The following OSMR variants were observed in gnomAD, a reference collection of about 807,000 sequenced individuals.
OSMR encodes oncostatin-M-specific receptor subunit beta.
A neutral mutation model predicts 99.9 loss-of-function variants in OSMR; 81 were observed. The observed-to-expected ratio is 0.81, with a 90% CI of 0.68 to 0.97. The LOEUF (loss-of-function observed/expected upper bound fraction) is 0.97, where lower values mean the gene tolerates loss of function less well. Ranked by LOEUF, OSMR falls within the 50% of genes least tolerant of loss-of-function variation. The pLI is 0.00. For missense variants in OSMR, 1,099 were observed against 1,153.4 expected (o/e 0.95, Z 0.68); for synonymous variants, 406 against 410.4 (o/e 0.99, Z 0.13).
intron 16 of OSMR, 85 bp downstream of exon 16, chr5:38,932,049 A>G (rs538909039): frequency 1.1e-4 from 107 of 1,000,014 alleles, no homozygotes; most frequent in Middle Eastern, 6.2e-4. Context: ...ATGACATTGA[A>G]TAATATGAAA....
At chr5:38,937,091 G>C (rs933795927), downstream of OSMR, among the ~76,000 whole-genome samples, 1 of 152,214 alleles carries the variant, frequency 6.6e-6, no homozygotes, top group African/African-American at 2.4e-5. This position sits in a 1 kb window ranked among gnomAD's most constrained non-coding sequence, Gnocchi z 4.0. Flanking sequence ...CTGGAGTGCA[G>C]TGGCACGATC....
At chr5:38,942,829 T>C in intron 1 of OSMR, 2 of 1,595,794 alleles carry the variant, frequency 1.3e-6, no homozygotes, top group Non-Finnish European at 1.7e-6. Flanking sequence ...CTAATCATAC[T>C]TACTTGTAGA....
intron 1 of OSMR, among the ~76,000 whole-genome samples, chr5:38,859,501 G>A (rs115001084): frequency 6.6e-6 from 1 of 152,126 alleles, no homozygotes; most frequent in South Asian, 2.1e-4. Flanking sequence ...GGTTACTGTA[G>A]TTTTGTAGTA....
chr5:38,865,873 A>G (rs1741897847), intron 1 of OSMR, among the ~76,000 whole-genome samples: 1 of 152,224 alleles, frequency 6.6e-6, no homozygotes. Context: ...GGCAGCACAC[A>G]TGAGTGCTGG....
intron 1 of OSMR, 191 bp from the exon 2 acceptor site, chr5:38,868,841 G>A (rs181451264): frequency 5.0e-6 from 1 of 200,102 alleles, no homozygotes. Context: ...ACCCAAAAAG[G>A]TCCCATGGGG....
chr5:38,914,438 A>G (rs554797452), intron 9 of OSMR, among the ~76,000 whole-genome samples: 6 of 152,230 alleles, frequency 3.9e-5, no homozygotes, highest in Non-Finnish European at 7.3e-5. Context: ...AATTAGTTCA[A>G]CCTTCGTAAA....
intron 1 of OSMR, chr5:38,943,083 G>T: frequency 1.5e-6 from 1 of 651,758 alleles, no homozygotes. Context: ...GGATTAGATG[G>T]CATACTTGGG....
At chr5:38,902,532 C>T (rs1744961851) in intron 7 of OSMR, among the ~76,000 whole-genome samples, 2 of 152,244 alleles carry the variant, frequency 1.3e-5, no homozygotes, top group Non-Finnish European at 2.9e-5. Flanking sequence ...TATCCAAGAA[C>T]TCCACAAAAG....
chr5:38,892,019 CTG>C (rs147173425), intron 7 of OSMR, among the ~76,000 whole-genome samples: 9,935 of 152,174 alleles, frequency 0.065, 419 homozygotes, highest in South Asian at 0.17. Flanking sequence ...CACCTGAACA[CTG>C]TGGGCAGTCA....
At chr5:38,857,980 C>T (rs1259039558) in intron 1 of OSMR, among the ~76,000 whole-genome samples, 1 of 152,066 alleles carries the variant, frequency 6.6e-6, no homozygotes, top group Non-Finnish European at 1.5e-5. Flanking sequence ...TTCCAGCTAT[C>T]TTTTAGAAAA....
intron 9 of OSMR, among the ~76,000 whole-genome samples, chr5:38,907,724 C>T (rs1182397839): frequency 6.6e-6 from 1 of 152,178 alleles, no homozygotes; most frequent in Non-Finnish European, 1.5e-5. Context: ...GCAGAACAGT[C>T]CCTACTGACA....
downstream of OSMR, chr5:38,945,572 C>A (rs1050685229): frequency 6.2e-7 from 1 of 1,614,044 alleles, no homozygotes; most frequent in South Asian, 1.1e-5. Context: ...AGGCAGTTAT[C>A]ATCTGTATGT....
intron 1 of OSMR, among the ~76,000 whole-genome samples, chr5:38,859,103 T>C (rs531714889): frequency 2.6e-5 from 4 of 152,354 alleles, no homozygotes; most frequent in African/African-American, 9.6e-5. Flanking sequence ...CTTTTTAGTT[T>C]GGTATAGTTC....
chr5:38,888,075 C>T (rs192369861), intron 7 of OSMR, among the ~76,000 whole-genome samples: 1 of 151,934 alleles, frequency 6.6e-6, no homozygotes, highest in Non-Finnish European at 1.5e-5. Context: ...GCGAGACAGA[C>T]GGAGGAGGGA....
At chr5:38,887,790 A>G (rs982119206) in intron 7 of OSMR, among the ~76,000 whole-genome samples, 1 of 152,158 alleles carries the variant, frequency 6.6e-6, no homozygotes, top group Non-Finnish European at 1.5e-5. Context: ...CAAAATCTCT[A>G]TGTTACTAAA....
rs989646482 is a variant in OSMR, at chr5:38,913,275, C to T, written c.1286-4271C>T. 4.4e-4 allele frequency among the ~76,000 whole-genome samples: 67 copies of T among 152,002 alleles called. 1 individual carries two copies. The highest frequency in any genetic ancestry group is 1.6e-3 in the African/African-American group (65 of 41,388). On this transcript the variant is annotated intron_variant, in intron 9 of 17. Transcript: ENST00000274276. ...TTAAAAAGTGGGCAAAAGGGCCAGG[C>T]GCGGTGGCTCATGCCTGTAATCCCA...
Position 38,904,522 on chromosome 5 carries a change from A to G in OSMR, c.1285+19A>G, listed in dbSNP as rs1343219690. On this transcript the variant is annotated intron_variant, in intron 9 of 17. Coordinates refer to ENST00000274276, the MANE Select transcript of OSMR (RefSeq NM_003999.3). The stretch of plus-strand genomic sequence containing the variant: ...GAAGCTGGTATGTTCAGCCCCTGGC[A>G]TTTAACCCAAAGAAGTAGGTCTTAG... 6.2e-7 allele frequency: 1 copy of G among 1,614,164 alleles called. No homozygotes were observed. The highest frequency in any genetic ancestry group is 1.1e-5 in the South Asian group (1 of 91,078).
intron 15 of OSMR, among the ~76,000 whole-genome samples, chr5:38,928,843 A>AATT (rs1310116316): frequency 3.3e-5 from 5 of 152,118 alleles, no homozygotes; most frequent in African/African-American, 1.2e-4. Context: ...TGTTGGAGTT[A>AATT]ATTTTAAATT....
rs756885064 is a variant in OSMR at position 38,925,253 on chromosome 5, A to G, written c.2094A>G (p.Ala698=). The G allele has an allele frequency of 2.5e-6, 4 of 1,614,034 alleles. No individual in the cohort carries two copies. The highest frequency in any genetic ancestry group is 3.4e-6 in the Non-Finnish European group (4 of 1,179,916). ...KYKIDNPEEK[A]LIVDNLKPES... ...AAATTGACAACCCGGAAGAAAAGGC[A>G]TTGATTGTGGACAACCTAAAGCCAG... The change falls in exon 15 of 18, where the codon GCA becomes GCG. Residue 698 remains alanine, a synonymous_variant. Coordinates refer to ENST00000274276, the MANE Select transcript of OSMR (RefSeq NM_003999.3).
Sources: gnomAD v4.1 joint callset for allele counts (sites outside exome capture counted in the v4.1 genomes callset) on GRCh38, gnomAD v4.1.1 for gene constraint, Gnocchi (gnomAD v3.1) non-coding constraint, MANE v1.5 for transcripts, NCBI Gene and HGNC (gene_info 2026-07-23, HGNC 2026-07-21) for gene names.